The following CLVS1 variants were observed in gnomAD, a reference collection of about 807,000 sequenced individuals.
CLVS1 encodes the protein clavesin-1.
Under a neutral mutation model 33.1 loss-of-function variants are expected in CLVS1, and 10 were observed. The observed-to-expected ratio is 0.30, with a 90% confidence interval of 0.19 to 0.51. CLVS1 has a LOEUF of 0.51. Among genes scored for constraint, CLVS1 ranks in the 20% least tolerant of loss-of-function variants. The probability of loss-of-function intolerance (pLI) is 0.97; values close to 1 mark genes in which losing one functional copy is unlikely to be tolerated. For synonymous variants in CLVS1, 163 were observed against 166.1 expected (o/e 0.98, Z 0.14); for missense variants, 343 against 433.4 (o/e 0.79, Z 1.85).
chr8:61,118,847 T>C (rs1805798188), intron 1 of CLVS1, among the ~76,000 whole-genome samples: 1 of 152,224 alleles, frequency 6.6e-6, no homozygotes, highest in African/African-American at 2.4e-5. Flanking sequence ...ATGTATATTC[T>C]GTTGATTTGG....
At chr8:61,469,630 C>A (rs1175912410) in intron 5 of CLVS1, among the ~76,000 whole-genome samples, 9 of 152,164 alleles carry the variant, frequency 5.9e-5, no homozygotes, top group African/African-American at 2.2e-4. Context: ...TGTGCATTTG[C>A]TGGATAACTA....
intron 2 of CLVS1, among the ~76,000 whole-genome samples, chr8:61,304,153 C>T (rs1810531592): frequency 6.6e-6 from 1 of 152,232 alleles, no homozygotes; most frequent in Non-Finnish European, 1.5e-5. Flanking sequence ...ACTGGGAAGT[C>T]ATTTGAATAT....
At chr8:61,357,748 T>A (rs1405304953) in intron 2 of CLVS1, among the ~76,000 whole-genome samples, 1 of 151,866 alleles carries the variant, frequency 6.6e-6, no homozygotes, top group Non-Finnish European at 1.5e-5. Flanking sequence ...GCCAAGCTGG[T>A]CTTCAACTCT....
chr8:61,359,183 A>T lies in CLVS1; in HGVS notation c.456-17422A>T, dbSNP rs117701792. ...CATTCACAGAACTAAGTTACCAACC[A>T]CACTAGCTCAAAGAGTTAGGTTCCT... is the stretch of plus-strand genomic sequence containing the variant. On this transcript the variant is annotated intron_variant, in intron 2 of 5. Transcript: ENST00000325897. 2.3e-3 allele frequency among the ~76,000 whole-genome samples: 357 copies of T among 152,318 alleles called. 9 individuals carry two copies. The East Asian group carries it at 0.049, about 21-fold the overall frequency.
At chr8:61,324,263 CA>C (rs1047872492) in intron 2 of CLVS1, among the ~76,000 whole-genome samples, 3 of 152,064 alleles carry the variant, frequency 2.0e-5, no homozygotes, top group African/African-American at 7.2e-5. Context: ...ATCATGGGGG[CA>C]GTTTCCCCTA....
intron 3 of CLVS1, among the ~76,000 whole-genome samples, chr8:61,440,169 C>A (rs995358550): frequency 4.6e-5 from 7 of 152,202 alleles, no homozygotes; most frequent in Non-Finnish European, 7.3e-5. Context: ...TATATTGCTG[C>A]ACCTCCTGCA....
At chr8:61,041,021 G>A in the CLVS1 span, among the ~76,000 whole-genome samples, 1 of 152,212 alleles carries the variant, frequency 6.6e-6, no homozygotes, top group East Asian at 1.9e-4. Flanking sequence ...ATGGTGAAAG[G>A]TAGGGGTTCA....
At chr8:61,415,605 T>C (rs1815397737) in intron 3 of CLVS1, among the ~76,000 whole-genome samples, 1 of 152,208 alleles carries the variant, frequency 6.6e-6, no homozygotes, top group South Asian at 2.1e-4. Flanking sequence ...GCTCATGGGA[T>C]CACAGAGCTT....
intron 2 of CLVS1, among the ~76,000 whole-genome samples, chr8:61,223,709 AT>A (rs939550353): frequency 1.9e-4 from 29 of 152,036 alleles, no homozygotes; most frequent in African/African-American, 7.0e-4. Flanking sequence ...TATTTCCTGA[AT>A]TTGCATGTTG....
chr8:61,472,283 G>A (rs555508870), intron 5 of CLVS1, among the ~76,000 whole-genome samples: 3 of 152,224 alleles, frequency 2.0e-5, no homozygotes, highest in Admixed American at 2.0e-4. Flanking sequence ...ATTTGCCACT[G>A]TGCCTCACTT....
chr8:61,295,197 C>G (rs759726062), intron 1 of CLVS1, among the ~76,000 whole-genome samples: 1 of 152,162 alleles, frequency 6.6e-6, no homozygotes, highest in Non-Finnish European at 1.5e-5. Flanking sequence ...TGGGACTAAA[C>G]CACATTGCAG....
chr8:60,967,215 G>A, the CLVS1 span, among the ~76,000 whole-genome samples: 1 of 152,318 alleles, frequency 6.6e-6, no homozygotes, highest in East Asian at 1.9e-4. Flanking sequence ...CAAGAGCATA[G>A]GGTATTGTCC....
chr8:61,368,325 T>C (rs553312046), intron 2 of CLVS1, among the ~76,000 whole-genome samples: 1 of 152,370 alleles, frequency 6.6e-6, no homozygotes, highest in East Asian at 1.9e-4. Context: ...CTTTGCACTC[T>C]AGTGTCTATA....
the CLVS1 span, among the ~76,000 whole-genome samples, chr8:61,020,569 G>A: frequency 6.6e-6 from 1 of 152,288 alleles, no homozygotes; most frequent in South Asian, 2.1e-4. Flanking sequence ...CTCAGCTTTG[G>A]GGCTCAACTT....
At chr8:61,231,614 A>T (rs973095069) in intron 2 of CLVS1, among the ~76,000 whole-genome samples, 9 of 152,150 alleles carry the variant, frequency 5.9e-5, no homozygotes, top group African/African-American at 2.2e-4. Context: ...GAATTCACCT[A>T]TTGTATTATT....
At chr8:61,353,223 C>T (rs1001607467) in intron 2 of CLVS1, among the ~76,000 whole-genome samples, 3 of 151,984 alleles carry the variant, frequency 2.0e-5, no homozygotes, top group African/African-American at 7.2e-5. Flanking sequence ...TAGAACACAT[C>T]ACACAACAAC....
At chr8:61,370,700 T>C (rs1813401666) in intron 2 of CLVS1, 1 of 152,228 alleles carries the variant, frequency 6.6e-6, no homozygotes, top group Non-Finnish European at 1.5e-5. Flanking sequence ...TGTATCATTC[T>C]TATACCTTTG....
intron 2 of CLVS1, among the ~76,000 whole-genome samples, chr8:61,209,679 GAGA>G (rs916994644): frequency 2.0e-4 from 30 of 151,946 alleles, no homozygotes; most frequent in African/African-American, 7.3e-4. Context: ...GAGGAGGAAA[GAGA>G]AGATTTAAGG....
chr8:61,335,513 T>C (rs1001338412), intron 2 of CLVS1, among the ~76,000 whole-genome samples: 4 of 152,202 alleles, frequency 2.6e-5, no homozygotes, highest in Non-Finnish European at 5.9e-5. Flanking sequence ...CAAGGTGCTC[T>C]GTAAGCATTG....
Sources: gnomAD v4.1 joint callset for allele counts (sites outside exome capture counted in the v4.1 genomes callset) on GRCh38, gnomAD v4.1.1 for gene constraint, MANE v1.5 for transcripts, NCBI Gene and HGNC (gene_info 2026-07-23, HGNC 2026-07-21) for gene names.